The following CSMD1 variants were observed in gnomAD, a reference collection of about 807,000 sequenced individuals.
CSMD1 encodes CUB and sushi domain-containing protein 1.
In CSMD1, 213 loss-of-function variants were observed where a neutral mutation model predicts 417.5. The ratio of observed to expected loss-of-function variants is 0.51; its 90% CI spans 0.46 to 0.57. The LOEUF (loss-of-function observed/expected upper bound fraction) is 0.57. CSMD1 is among the 20% of genes least tolerant of loss of function. CSMD1 has a pLI of 0.00. For missense variants in CSMD1, 6,923 were observed against 4,529.7 expected (o/e 1.53, Z -15.17); for synonymous variants, 2,862 against 1,736.8 (o/e 1.65, Z -16.11).
chr8:4,009,751 C>A (rs561047239), intron 4 of CSMD1, among the ~76,000 whole-genome samples: 1 of 152,200 alleles, frequency 6.6e-6, no homozygotes, highest in Admixed American at 6.5e-5. Context: ...GCTCACTCCT[C>A]CAGGAGCCAG....
chr8:3,703,889 T>G (rs1801013905), intron 7 of CSMD1, among the ~76,000 whole-genome samples: 1 of 152,040 alleles, frequency 6.6e-6, no homozygotes, highest in South Asian at 2.1e-4. Context: ...TGGCCAATGG[T>G]GAAACCCCAT....
At chr8:4,115,610 C>T (rs547520215) in intron 3 of CSMD1, among the ~76,000 whole-genome samples, 2 of 152,154 alleles carry the variant, frequency 1.3e-5, no homozygotes, top group African/African-American at 2.4e-5. Flanking sequence ...TAAATATATA[C>T]GTGATCAAAC....
chr8:3,021,595 G>T (rs979516389), intron 51 of CSMD1, among the ~76,000 whole-genome samples: 7 of 152,150 alleles, frequency 4.6e-5, no homozygotes, highest in African/African-American at 1.7e-4. Flanking sequence ...GCAAGTCTTT[G>T]CACAAAAAAG....
chr8:4,507,695 C>A (rs1802599941), intron 2 of CSMD1, among the ~76,000 whole-genome samples: 1 of 152,074 alleles, frequency 6.6e-6, no homozygotes, highest in South Asian at 2.1e-4. Flanking sequence ...TAAATACTCA[C>A]CAGGCTGAAG....
At chr8:3,749,480 A>G (rs1171010742) in intron 6 of CSMD1, among the ~76,000 whole-genome samples, 1 of 152,218 alleles carries the variant, frequency 6.6e-6, no homozygotes, top group Non-Finnish European at 1.5e-5. Flanking sequence ...CAAAGAAGAA[A>G]GTGTAAGACT....
At chr8:4,445,633 G>A (rs1041398628) in intron 2 of CSMD1, among the ~76,000 whole-genome samples, 6 of 152,156 alleles carry the variant, frequency 3.9e-5, no homozygotes, top group South Asian at 2.1e-4. Context: ...CCAGGCATGT[G>A]TTCCTAGGAA....
chr8:4,837,643 G>A (rs751649751), intron 1 of CSMD1, among the ~76,000 whole-genome samples: 1 of 152,024 alleles, frequency 6.6e-6, no homozygotes, highest in Non-Finnish European at 1.5e-5. Flanking sequence ...GGGAGGTAGG[G>A]ATAGTTAACA....
chr8:3,620,452 T>A (rs183122277), intron 7 of CSMD1, among the ~76,000 whole-genome samples: 307 of 152,222 alleles, frequency 2.0e-3, no homozygotes, highest in Middle Eastern at 6.8e-3. Context: ...GATAAATGCA[T>A]AAAATAATTA....
chr8:3,868,429 C>A (rs1360749751), intron 5 of CSMD1, among the ~76,000 whole-genome samples: 2 of 152,284 alleles, frequency 1.3e-5, no homozygotes, highest in Admixed American at 6.5e-5. Context: ...AGCTGGGGGG[C>A]AGCTGTAAGC....
chr8:4,139,941 G>T (rs966878619), intron 3 of CSMD1, among the ~76,000 whole-genome samples: 6 of 149,080 alleles, frequency 4.0e-5, no homozygotes, highest in African/African-American at 1.5e-4. Context: ...AGGAAGTGTG[G>T]ATGGCAGCAA....
At chr8:4,126,483 A>G (rs936958218) in intron 3 of CSMD1, among the ~76,000 whole-genome samples, 2 of 151,846 alleles carry the variant, frequency 1.3e-5, no homozygotes, top group Middle Eastern at 3.2e-3. Flanking sequence ...TGTGCACCCC[A>G]CCTCCATGGG....
chr8:4,668,518 C>T (rs1007856775), intron 1 of CSMD1, among the ~76,000 whole-genome samples: 5 of 150,712 alleles, frequency 3.3e-5, no homozygotes, highest in African/African-American at 4.9e-5. Flanking sequence ...GGCACGATCT[C>T]AGCTCACTGC....
intron 7 of CSMD1, among the ~76,000 whole-genome samples, chr8:3,666,800 C>A (rs903287996): frequency 1.3e-5 from 2 of 151,910 alleles, no homozygotes; most frequent in Non-Finnish European, 2.9e-5. Context: ...ATTGTGAGGC[C>A]TCCTCAGCCA....
intron 3 of CSMD1, among the ~76,000 whole-genome samples, chr8:4,064,368 G>C (rs1232459846): frequency 1.3e-5 from 2 of 152,130 alleles, no homozygotes; most frequent in Admixed American, 1.3e-4. Flanking sequence ...CTCTGTTTAG[G>C]GTTTTCTGCA....
At chr8:3,680,187 G>T (rs528355841) in intron 7 of CSMD1, among the ~76,000 whole-genome samples, 1 of 152,056 alleles carries the variant, frequency 6.6e-6, no homozygotes, top group African/African-American at 2.4e-5. Flanking sequence ...ACTCAGATCA[G>T]AGCAGAAATG....
At chr8:3,936,177 G>C (rs1399664225) in intron 5 of CSMD1, among the ~76,000 whole-genome samples, 16 of 75,704 alleles carry the variant, frequency 2.1e-4, no homozygotes, top group African/African-American at 7.4e-4. Context: ...CAGTTCATAG[G>C]GTTTAAGAAA....
intron 2 of CSMD1, among the ~76,000 whole-genome samples, chr8:4,574,552 G>T (rs1231575453): frequency 6.6e-6 from 1 of 152,158 alleles, no homozygotes; most frequent in Non-Finnish European, 1.5e-5. Flanking sequence ...AGCTGCAGAC[G>T]GGAGCTGTTC....
intron 1 of CSMD1, among the ~76,000 whole-genome samples, chr8:4,663,233 TACTGCTG>T (rs1299655169): frequency 6.6e-6 from 1 of 152,224 alleles, no homozygotes; most frequent in Non-Finnish European, 1.5e-5. Context: ...GCCCGATTTT[TACTGCTG>T]ACTTTTCATT....
chr8:3,700,397 CAT>C (rs1405268593), intron 7 of CSMD1: 1 of 152,098 alleles, frequency 6.6e-6, no homozygotes, highest in Non-Finnish European at 1.5e-5. Flanking sequence ...CTCAAATAAA[CAT>C]ACACGTATAT....
Sources: gnomAD v4.1 joint callset for allele counts (sites outside exome capture counted in the v4.1 genomes callset) on GRCh38, gnomAD v4.1.1 for gene constraint, MANE v1.5 for transcripts, NCBI Gene and HGNC (gene_info 2026-07-23, HGNC 2026-07-21) for gene names.